CNTNAP2: variants seen among roughly 807,000 people sequenced by gnomAD.
CNTNAP2 encodes the protein contactin-associated protein-like 2.
A neutral mutation model predicts 155.2 loss-of-function variants in CNTNAP2; 98 were observed. That is an observed-to-expected ratio of 0.63 (90% CI 0.54 to 0.75). CNTNAP2 has a LOEUF of 0.75. Ranked by LOEUF, CNTNAP2 falls within the 30% of genes least tolerant of loss-of-function variation. The pLI is 0.00. For synonymous variants in CNTNAP2, 651 were observed against 631.2 expected, an observed-to-expected ratio of 1.03 and a Z score of -0.47; for missense variants, 1,727 against 1,688.1, an observed-to-expected ratio of 1.02 and a Z score of -0.40.
chr7:147,058,838 C>T lies in CNTNAP2; in HGVS notation c.550+14784C>T, dbSNP rs1584810223. On this transcript the variant is annotated intron_variant, in intron 4 of 23. Transcript: ENST00000361727. ...GACAGGCTGGTTTTGAGCTCCTGACCTCGTGATCCACCTGCCTTGGCCTCC... is the reference window on the plus strand; with the variant it reads ...GACAGGCTGGTTTTGAGCTCCTGACTTCGTGATCCACCTGCCTTGGCCTCC... Among the ~76,000 whole-genome samples the T allele has an allele frequency of 2.6e-5, 4 of 152,310 alleles. No homozygotes were observed. The South Asian group carries it at 8.3e-4, about 32-fold the overall frequency.
chr7:146,598,441 C>T (rs1355049130), intron 1 of CNTNAP2, among the ~76,000 whole-genome samples: 1 of 152,012 alleles, frequency 6.6e-6, no homozygotes, highest in African/African-American at 2.4e-5. Context: ...GTACTGTTTC[C>T]TGCTGCAATT....
At chr7:146,511,224 C>T (rs1797461420) in intron 1 of CNTNAP2, among the ~76,000 whole-genome samples, 1 of 152,128 alleles carries the variant, frequency 6.6e-6, no homozygotes, top group Non-Finnish European at 1.5e-5. Flanking sequence ...AAGATTGTGC[C>T]ATCTGTGAAC....
intron 21 of CNTNAP2, chr7:148,381,489 C>A (rs1280061000): frequency 2.0e-5 from 3 of 152,214 alleles, no homozygotes; most frequent in Non-Finnish European, 2.9e-5. Flanking sequence ...TGGCCAGATT[C>A]TTCTCTGATG....
chr7:147,364,235 A>G (rs1796190015), intron 9 of CNTNAP2, among the ~76,000 whole-genome samples: 1 of 152,216 alleles, frequency 6.6e-6, no homozygotes, highest in Non-Finnish European at 1.5e-5. Context: ...ATACTTGGTA[A>G]TAAGTATTCA....
At chr7:146,530,644 A>G (rs1431137473) in intron 1 of CNTNAP2, among the ~76,000 whole-genome samples, 1 of 152,234 alleles carries the variant, frequency 6.6e-6, no homozygotes, top group African/African-American at 2.4e-5. Context: ...ACTAATCATT[A>G]AAGAAATGCA....
intron 8 of CNTNAP2, among the ~76,000 whole-genome samples, chr7:147,172,570 T>C (rs1802253784): frequency 6.6e-6 from 1 of 152,174 alleles, no homozygotes; most frequent in African/African-American, 2.4e-5. Context: ...GGTTATAATT[T>C]CTCAATTCAT....
At chr7:148,073,450 T>C (rs919492339) in intron 15 of CNTNAP2, among the ~76,000 whole-genome samples, 2 of 152,238 alleles carry the variant, frequency 1.3e-5, no homozygotes, top group African/African-American at 4.8e-5. Flanking sequence ...TCTTACACCA[T>C]CCCACCAGAG....
chr7:147,202,865 T>C (rs548175699), intron 8 of CNTNAP2, among the ~76,000 whole-genome samples: 28 of 151,094 alleles, frequency 1.9e-4, no homozygotes, highest in African/African-American at 6.8e-4. Flanking sequence ...AAAAAATATA[T>C]ATATATATAG....
intron 3 of CNTNAP2, among the ~76,000 whole-genome samples, chr7:147,018,867 G>C (rs1265374609): frequency 6.6e-6 from 1 of 151,966 alleles, no homozygotes; most frequent in Non-Finnish European, 1.5e-5. Flanking sequence ...AAAGGAGTTT[G>C]AGACCTTATC....
At chr7:146,814,069 C>G (rs1480978860) in intron 2 of CNTNAP2, among the ~76,000 whole-genome samples, 4 of 152,164 alleles carry the variant, frequency 2.6e-5, no homozygotes, top group Non-Finnish European at 5.9e-5. Context: ...ATTAATTACC[C>G]AGTCTCAGGC....
chr7:146,869,517 A>G (rs1795266378), intron 3 of CNTNAP2, among the ~76,000 whole-genome samples: 2 of 152,130 alleles, frequency 1.3e-5, no homozygotes, highest in South Asian at 4.1e-4. Context: ...CATGATCACA[A>G]GGTGAAGTCC....
At chr7:148,222,632 A>G (rs34192403) in intron 19 of CNTNAP2, among the ~76,000 whole-genome samples, 60,152 of 151,942 alleles carry the variant, frequency 0.4, 12,398 homozygotes, top group Non-Finnish European at 0.45. Flanking sequence ...TAAAGGGCTC[A>G]CCTCTCAATA....
intron 1 of CNTNAP2, among the ~76,000 whole-genome samples, chr7:146,303,058 A>G (rs1800639049): frequency 6.8e-6 from 1 of 147,586 alleles, no homozygotes; most frequent in Non-Finnish European, 1.5e-5. Context: ...GAAACTAGGT[A>G]CACCTTTGTG....
At chr7:146,427,204 A>G (rs1037677987) in intron 1 of CNTNAP2, among the ~76,000 whole-genome samples, 6 of 152,146 alleles carry the variant, frequency 3.9e-5, no homozygotes, top group Non-Finnish European at 8.8e-5. Context: ...CCAAGGTCAT[A>G]TTTACTTAAT....
At chr7:148,327,504 AAAACCCT>A (rs1468973326) in intron 21 of CNTNAP2, among the ~76,000 whole-genome samples, 4 of 152,002 alleles carry the variant, frequency 2.6e-5, no homozygotes, top group East Asian at 4.0e-4. Flanking sequence ...TTGTTTTGTA[AAAACCCT>A]GTTGTAAATT....
intron 3 of CNTNAP2, among the ~76,000 whole-genome samples, chr7:146,969,359 G>A (rs1334458641): frequency 2.0e-5 from 3 of 151,938 alleles, no homozygotes; most frequent in Non-Finnish European, 2.9e-5. Flanking sequence ...CAATTCCTGG[G>A]TATCCTTGTT....
chr7:148,293,716 C>A (rs1471492986), intron 21 of CNTNAP2, among the ~76,000 whole-genome samples: 1 of 152,034 alleles, frequency 6.6e-6, no homozygotes, highest in African/African-American at 2.4e-5. Context: ...TGTCAACATT[C>A]CCTATGCTTT....
intron 11 of CNTNAP2, among the ~76,000 whole-genome samples, chr7:147,533,769 G>A (rs984283086): frequency 6.6e-6 from 1 of 150,842 alleles, no homozygotes; most frequent in Non-Finnish European, 1.5e-5. Context: ...CAGACCAACA[G>A]GGCATTGGTA....
chr7:148,342,582 G>A (rs907063136), intron 21 of CNTNAP2, among the ~76,000 whole-genome samples: 16 of 152,156 alleles, frequency 1.1e-4, no homozygotes, highest in African/African-American at 1.9e-4. Flanking sequence ...CTGCTTTTAC[G>A]AATAATCATA....
Sources: allele counts gnomAD v4.1 joint callset (sites outside exome capture counted in the v4.1 genomes callset), GRCh38; gene constraint gnomAD v4.1.1; transcripts MANE v1.5; gene names NCBI Gene and HGNC (gene_info 2026-07-23, HGNC 2026-07-21).